The following HSCB variants were observed in gnomAD, a reference collection of about 807,000 sequenced individuals.
HSCB encodes the protein iron-sulfur cluster co-chaperone protein HscB.
Under a neutral mutation model 31.3 loss-of-function variants are expected in HSCB, and 23 were observed. The ratio of observed to expected loss-of-function variants is 0.74; its 90% CI spans 0.53 to 1.04. The LOEUF (loss-of-function observed/expected upper bound fraction) is 1.04. Among genes scored for constraint, HSCB ranks in the 50% least tolerant of loss-of-function variants. The pLI is 0.00. For synonymous variants in HSCB, 110 were observed against 104.5 expected, an observed-to-expected ratio of 1.05 and a Z score of -0.32; for missense variants, 297 against 288.1, an observed-to-expected ratio of 1.03 and a Z score of -0.22.
intron 1 of HSCB, 128 bp from the exon 2 acceptor site, chr22:28,743,754 C>A: frequency 1.4e-6 from 1 of 734,536 alleles, no homozygotes; most frequent in Non-Finnish European, 2.4e-6. Flanking sequence ...CTTCATAGGA[C>A]TTACCACTTT....
At position 28,745,918 on chromosome 22, in the gene HSCB, C is replaced by A. The variant is rs150518681; in HGVS notation, c.478C>A (p.Gln160Lys). 3.6e-5 allele frequency: 58 copies of A among 1,613,082 alleles called. No individual in the cohort carries two copies. In the African/African-American group the frequency reaches 6.9e-4, roughly 19 times the overall value. Residue 160 changes from glutamine (Q) to lysine (K), a missense_variant, in exon 4 of 6, where the codon CAA (glutamine) becomes AAA (lysine). By Grantham distance (53) the Gln-to-Lys change is moderately conservative (BLOSUM62 1). Transcript: ENST00000216027. ...PERTDYEMDR[Q>K]FLIEIMEINE... Reference sequence around the variant, plus strand: ...AAGGACAGATTATGAAATGGACAGGCAATTCCTCATAGAAATAATGGAAAT... The same window carrying A: ...AAGGACAGATTATGAAATGGACAGGAAATTCCTCATAGAAATAATGGAAAT...
Position 28,742,270 on chromosome 22 carries a change from C to T in HSCB, c.175C>T (p.Pro59Ser). ...GPGREDRFFC[P>S]QCRALQAPDP... Reference sequence around the variant, plus strand: ...CGGGCGGGAGGACAGGTTCTTCTGCCCACAGTGCCGAGCGCTGCAGGCACC... The same window carrying T: ...CGGGCGGGAGGACAGGTTCTTCTGCTCACAGTGCCGAGCGCTGCAGGCACC... Residue 59 changes from proline (P) to serine (S), a missense_variant, in exon 1 of 6, where the codon CCA becomes TCA. By Grantham distance (74) the Pro-to-Ser change is moderately conservative. Coordinates refer to ENST00000216027, the MANE Select transcript of HSCB (RefSeq NM_172002.5). 2 of 1,614,082 alleles carry T rather than the reference C, an allele frequency of 1.2e-6. No homozygotes were observed. Among genetic ancestry groups the T allele is most frequent in the Non-Finnish European group, 1.7e-6 (2 of 1,180,006 alleles).
intron 5 of HSCB, among the ~76,000 whole-genome samples, chr22:28,752,691 G>A (rs1031537773): frequency 3.3e-5 from 5 of 149,354 alleles, no homozygotes; most frequent in Admixed American, 6.7e-5. Flanking sequence ...CAGAGATCGC[G>A]CCACTGCACT....
At chr22:28,746,143 G>A (rs901197679) in intron 4 of HSCB, 135 bp downstream of exon 4, 13 of 764,698 alleles carry the variant, frequency 1.7e-5, no homozygotes, top group Non-Finnish European at 2.4e-5. Flanking sequence ...CACTTTGGGA[G>A]GCCAAGGCAA....
chr22:28,747,114 G>A (rs1469840873), intron 4 of HSCB, among the ~76,000 whole-genome samples: 1 of 152,002 alleles, frequency 6.6e-6, no homozygotes, highest in East Asian at 1.9e-4. Flanking sequence ...TGAAAGTCCA[G>A]GCAGGATTTC....
chr22:28,752,962 C>A (rs1238010578), intron 5 of HSCB, among the ~76,000 whole-genome samples: 1 of 151,544 alleles, frequency 6.6e-6, no homozygotes, highest in Admixed American at 6.6e-5. Context: ...GCCTGTAATC[C>A]CAGCTACTCC....
At chr22:28,753,436 G>A (rs886106025) in intron 5 of HSCB, among the ~76,000 whole-genome samples, 1 of 151,918 alleles carries the variant, frequency 6.6e-6, no homozygotes, top group African/African-American at 2.4e-5. Context: ...GCTGAGGCAG[G>A]AAGATCGCTT....
intron 5 of HSCB, among the ~76,000 whole-genome samples, chr22:28,755,227 G>A (rs1275702549): frequency 2.0e-5 from 3 of 151,100 alleles, no homozygotes; most frequent in Admixed American, 6.6e-5. Context: ...TGGCTAACAC[G>A]GTGAAACCCC....
intron 5 of HSCB, among the ~76,000 whole-genome samples, chr22:28,755,784 C>T (rs2030564245): frequency 6.6e-6 from 1 of 152,108 alleles, no homozygotes; most frequent in Non-Finnish European, 1.5e-5. Flanking sequence ...ATATTGTAAG[C>T]CAGATAATTC....
intron 5 of HSCB, among the ~76,000 whole-genome samples, chr22:28,752,179 C>T (rs1483979323): frequency 6.6e-6 from 1 of 151,854 alleles, no homozygotes; most frequent in African/African-American, 2.4e-5. Context: ...CGCGGTGGCT[C>T]ACACTTGTAA....
At chr22:28,742,477 G>T in intron 1 of HSCB, 146 bp downstream of exon 1, 8 of 1,357,320 alleles carry the variant, frequency 5.9e-6, no homozygotes, top group Non-Finnish European at 7.8e-6. Flanking sequence ...TGAGAGAAGT[G>T]TCTTGATTTC....
intron 1 of HSCB, among the ~76,000 whole-genome samples, chr22:28,743,240 C>G (rs1403805121): frequency 6.6e-6 from 1 of 151,890 alleles, no homozygotes; most frequent in Non-Finnish European, 1.5e-5. Context: ...CTAAGCCGAC[C>G]TAACGGGATT....
chr22:28,755,945 A>T (rs2030570661), intron 5 of HSCB, among the ~76,000 whole-genome samples: 1 of 152,152 alleles, frequency 6.6e-6, no homozygotes, highest in African/African-American at 2.4e-5. Context: ...AATCATCCCC[A>T]GTTGAAAATC....
Position 28,743,915 on chromosome 22 carries a change from C to A in HSCB, c.270C>A (p.Leu90=). The A allele has an allele frequency of 6.2e-7, 1 of 1,614,190 alleles. No homozygotes were observed. Among genetic ancestry groups the A allele is most frequent in the South Asian group, 1.1e-5 (1 of 91,088 alleles). ...CCTTCAGAGTTGATACAGCGAAGCT[C>A]CAGCACAGGTACCAGCAACTGCAGC... ...NRSFRVDTAK[L]QHRYQQLQRL... The change falls in exon 2 of 6, where the codon CTC becomes CTA. Residue 90 remains leucine, a synonymous_variant. Transcript: ENST00000216027.
At chr22:28,747,337 T>C (rs2029908076) in intron 4 of HSCB, among the ~76,000 whole-genome samples, 1 of 152,216 alleles carries the variant, frequency 6.6e-6, no homozygotes, top group Non-Finnish European at 1.5e-5. Flanking sequence ...GGTCTCACTC[T>C]GTCACCCAGG....
chr22:28,747,713 A>C (rs1011346387), intron 4 of HSCB, among the ~76,000 whole-genome samples: 5 of 152,150 alleles, frequency 3.3e-5, no homozygotes, highest in African/African-American at 1.2e-4. Context: ...GACTATATTC[A>C]GTTATGTACT....
Position 28,757,080 on chromosome 22 carries a change from G to T in HSCB, c.619G>T (p.Asp207Tyr). The T allele has an allele frequency of 1.3e-6, 2 of 1,535,346 alleles. No homozygotes were observed. Among genetic ancestry groups the T allele is most frequent in the South Asian group, 1.1e-5 (1 of 89,384 alleles). ...DNVSSAFEQD[D>Y]FEEAKEILTK... ...TTCAGTGTCTCTGTCTATTTCAGAT[G>T]ACTTTGAAGAAGCCAAGGAAATTTT... Residue 207 changes from aspartate (D) to tyrosine (Y), a missense_variant and splice_region_variant, in exon 6 of 6, where the codon GAC becomes TAC. By Grantham distance (160) the Asp-to-Tyr change is radical. Coordinates refer to ENST00000216027, the MANE Select transcript of HSCB (RefSeq NM_172002.5).
chr22:28,747,025 C>G (rs1306698787), intron 4 of HSCB, among the ~76,000 whole-genome samples: 1 of 152,074 alleles, frequency 6.6e-6, no homozygotes, highest in Non-Finnish European at 1.5e-5. Flanking sequence ...GATCACACCA[C>G]TGTACTCCAG....
At chr22:28,757,054 C>G in intron 5 of HSCB, 24 bp from the exon 6 acceptor site, 1 of 1,331,108 alleles carries the variant, frequency 7.5e-7, no homozygotes, top group South Asian at 1.2e-5. Context: ...TGAAGCCTGA[C>G]TTCAGTGTCT....
Sources: allele counts gnomAD v4.1 joint callset (sites outside exome capture counted in the v4.1 genomes callset), GRCh38; gene constraint gnomAD v4.1.1; transcripts MANE v1.5; gene names NCBI Gene and HGNC (gene_info 2026-07-23, HGNC 2026-07-21).